PLCG1: variants seen among roughly 807,000 people sequenced by gnomAD.
PLCG1 encodes phospholipase C gamma 1, also known as 1-phosphatidylinositol 4,5-bisphosphate phosphodiesterase gamma-1.
PLCG1 carries 71 observed loss-of-function variants against 177.8 expected under a neutral mutation model. The ratio of observed to expected loss-of-function variants is 0.40; its 90% CI spans 0.33 to 0.49. The LOEUF is 0.49. PLCG1 is among the 20% of genes least tolerant of loss of function. The pLI, the probability that PLCG1 is intolerant of heterozygous loss-of-function variation, is 0.72. For missense variants in PLCG1, 1,281 were observed against 1,709.0 expected (o/e 0.75, Z 4.42); for synonymous variants, 658 against 647.9 (o/e 1.02, Z -0.24).
chr20:41,171,969 G>A (rs1297349561), intron 24 of PLCG1, among the ~76,000 whole-genome samples: 1 of 152,218 alleles, frequency 6.6e-6, no homozygotes, highest in Non-Finnish European at 1.5e-5. Context: ...GGGTTGGAGG[G>A]CAAATGTGTC....
chr20:41,152,292 G>A (rs6093446), intron 1 of PLCG1, among the ~76,000 whole-genome samples: 55,216 of 152,140 alleles, frequency 0.36, 11,356 homozygotes, highest in African/African-American at 0.57. Flanking sequence ...GTGGGTGCTC[G>A]GCATCCTGCT....
At chr20:41,141,966 G>A (rs1883748028) in intron 1 of PLCG1, among the ~76,000 whole-genome samples, 1 of 152,230 alleles carries the variant, frequency 6.6e-6, no homozygotes, top group Non-Finnish European at 1.5e-5. Flanking sequence ...TTCTTGGAAT[G>A]AGGCACATTT....
At chr20:41,161,567 G>A (rs900352802) in intron 4 of PLCG1, among the ~76,000 whole-genome samples, 1 of 152,158 alleles carries the variant, frequency 6.6e-6, no homozygotes, top group African/African-American at 2.4e-5. Context: ...CCTACCTCCT[G>A]GGTGACTGAG....
In PLCG1 at chr20:41,166,113, C is replaced by T; in HGVS notation, c.1800-81C>T. On this transcript the variant is annotated intron_variant, in intron 16 of 31. Transcript: ENST00000685551. The surrounding 1 kb of genome is among the most constrained non-coding windows in gnomAD (Gnocchi z 8.6). ...CTCCTTGAGGCTCCCTCCTTGAGTT[C>T]CACCCTCATTTGGGGTGGAACTTGG... 1 of 1,278,324 alleles carries T rather than the reference C, an allele frequency of 7.8e-7. No homozygotes were observed. The highest frequency in any genetic ancestry group is 1.2e-5 in the South Asian group (1 of 80,386). The allele number at this position is 1,278,324 out of a possible 1,614,324, so 79.2% of individuals were successfully genotyped here. A position where few individuals can be genotyped will look rare whatever the true frequency, so the allele number is the denominator to read the frequency against.
rs1052292523 is a variant in PLCG1 at position 41,153,743 on chromosome 20, A to G, written c.218-5863A>G. 2.0e-5 allele frequency among the ~76,000 whole-genome samples: 3 copies of G among 152,182 alleles called. No individual in the cohort carries two copies. Among genetic ancestry groups the G allele is most frequent in the African/African-American group, 7.2e-5 (3 of 41,442 alleles). On this transcript the variant is annotated intron_variant, in intron 1 of 31. Coordinates refer to ENST00000685551, the MANE Select transcript of PLCG1 (RefSeq NM_002660.3). The surrounding 1 kb of genome is among the most constrained non-coding windows in gnomAD (Gnocchi z 5.1). Reference sequence around the variant, plus strand: ...AAACCCCGTCTCTACTAAAAATACAAAAATCAGCTGGGCATGGTGGTGTGC... The same window carrying G: ...AAACCCCGTCTCTACTAAAAATACAGAAATCAGCTGGGCATGGTGGTGTGC...
rs1415803367 is a variant in PLCG1 at position 41,174,599 on chromosome 20, G to A, written c.*90G>A. ...TTCTTTGGAAGCAGCCCCCTGTGGC[G>A]GCCTTCCGGGTCTCGCAGCCTGAAG... On this transcript the variant is annotated 3_prime_UTR_variant, in exon 32 of 32. Coordinates refer to ENST00000685551, the MANE Select transcript of PLCG1 (RefSeq NM_002660.3). This position sits in a 1 kb window ranked among gnomAD's most constrained non-coding sequence, Gnocchi z 5.8. 2.1e-5 allele frequency: 24 copies of A among 1,154,404 alleles called. No homozygotes were observed. The South Asian group carries it at 2.5e-4, about 12-fold the overall frequency. 71.5% of individuals were successfully genotyped at this position (1,154,404 alleles called of 1,614,324 possible).
intron 1 of PLCG1, among the ~76,000 whole-genome samples, chr20:41,143,841 A>T (rs2034908197): frequency 6.6e-6 from 1 of 152,352 alleles, no homozygotes; most frequent in East Asian, 1.9e-4. Context: ...TATAAGAGTA[A>T]GAGATTTTAT....
At position 41,174,286 on chromosome 20, in the gene PLCG1, G is replaced by T; in HGVS notation, c.3808G>T (p.Asp1270Tyr). ...DFRISQEHLA[D>Y]HFDSRERRAP... ...CCGCATCTCCCAGGAGCATCTCGCA[G>T]ACCATTTTGACAGTCGAGAACGAAG... The change falls in exon 31 of 32, where the codon GAC becomes TAC. Residue 1270 changes from aspartate (D) to tyrosine (Y), a missense_variant. By Grantham distance (160) the Asp-to-Tyr change is radical. Transcript: ENST00000685551. The surrounding 1 kb of genome is among the most constrained non-coding windows in gnomAD (Gnocchi z 5.8). The T allele has an allele frequency of 6.2e-7, 1 of 1,614,142 alleles. No individual in the cohort carries two copies. Among genetic ancestry groups the T allele is most frequent in the South Asian group, 1.1e-5 (1 of 91,082 alleles).
chr20:41,166,053 TG>T lies in PLCG1; in HGVS notation c.1800-140del. On this transcript the variant is annotated intron_variant, in intron 16 of 31. Coordinates refer to ENST00000685551, the MANE Select transcript of PLCG1 (RefSeq NM_002660.3). This position sits in a 1 kb window ranked among gnomAD's most constrained non-coding sequence, Gnocchi z 8.6. ...AGCCCACACCTTTGGTTCATGTGAC[TG>T]CCCACACCTGAGCTCCTCAGGAGAT... The T allele has an allele frequency of 4.8e-6, 3 of 627,862 alleles. No homozygotes were observed. Among genetic ancestry groups the T allele is most frequent in the Non-Finnish European group, 7.7e-6 (3 of 391,534 alleles). 38.9% of individuals were successfully genotyped at this position (627,862 alleles called of 1,614,324 possible).
chr20:41,162,120 T>C (rs758874364), intron 4 of PLCG1, among the ~76,000 whole-genome samples: 1 of 152,064 alleles, frequency 6.6e-6, no homozygotes, highest in African/African-American at 2.4e-5. Context: ...GCAGTGCCGG[T>C]AGGAGGGGAG....
intron 1 of PLCG1, among the ~76,000 whole-genome samples, chr20:41,152,816 A>G (rs1440596584): frequency 6.6e-6 from 1 of 152,266 alleles, no homozygotes; most frequent in East Asian, 1.9e-4. Context: ...GGTGACACAC[A>G]AGAGAGGAGG....
chr20:41,170,063 AG>A (rs1600672750), intron 23 of PLCG1, 48 bp from the exon 24 acceptor site: 1 of 1,533,250 alleles, frequency 6.5e-7, no homozygotes, highest in East Asian at 2.3e-5. Context: ...AGTGGGGTGG[AG>A]GGGGTGAGAT....
chr20:41,177,273 A>G lies in PLCG1; in HGVS notation c.*2764A>G, dbSNP rs1384565962. ...GCTTTGGCTCAGCAGACATGTACAC[A>G]TACAAAGTAGAGCCTACAAGGTCAG... On this transcript the variant is annotated 3_prime_UTR_variant, in exon 32 of 32. Transcript: ENST00000685551. 1 of 152,246 alleles carries G rather than the reference A, an allele frequency of 6.6e-6. No individual in the cohort carries two copies. The highest frequency in any genetic ancestry group is 1.9e-4 in the East Asian group (1 of 5,196). 9.4% of individuals were successfully genotyped at this position (152,246 alleles called of 1,614,324 possible).
rs1163771320 is a variant in PLCG1 at position 41,157,244 on chromosome 20, A to G, written c.218-2362A>G. On this transcript the variant is annotated intron_variant, in intron 1 of 31. Transcript: ENST00000685551. This position sits in a 1 kb window ranked among gnomAD's most constrained non-coding sequence, Gnocchi z 5.4. Reference sequence around the variant, plus strand: ...TGTGTGTGTGTGTGTGTGTGTGTACAGTCACACTCACCTTTGCAAGAAGGT... The same window carrying G: ...TGTGTGTGTGTGTGTGTGTGTGTACGGTCACACTCACCTTTGCAAGAAGGT... Among the ~76,000 whole-genome samples, 1 of 90,048 alleles carries G rather than the reference A, an allele frequency of 1.1e-5. No individual in the cohort carries two copies. The highest frequency in any genetic ancestry group is 6.6e-4 in the East Asian group (1 of 1,512). 59.1% of individuals were successfully genotyped at this position (90,048 alleles called of 152,430 possible).
chr20:41,163,457 A>G lies in PLCG1; in HGVS notation c.869A>G (p.Glu290Gly). The change falls in exon 9 of 32, where the codon GAG becomes GGG. Residue 290 changes from glutamate (E) to glycine (G), a missense_variant. By Grantham distance (98) the Glu-to-Gly change is moderately conservative. This residue lies in a region of PLCG1 where 374 missense variants were observed against 443.8 expected (regional missense o/e 0.84). Coordinates refer to ENST00000685551, the MANE Select transcript of PLCG1 (RefSeq NM_002660.3). The surrounding 1 kb of genome is among the most constrained non-coding windows in gnomAD (Gnocchi z 5.2). Reference sequence around the variant, plus strand: ...CGAGACCCCTTACGAGAGATCGAGGAGCCATACTTCTTCCTGGATGAGGTG... The same window carrying G: ...CGAGACCCCTTACGAGAGATCGAGGGGCCATACTTCTTCCTGGATGAGGTG... ...FLRDPLREIE[E>G]PYFFLDEFVT... The G allele has an allele frequency of 1.2e-6, 2 of 1,611,158 alleles. No homozygotes were observed. The highest frequency in any genetic ancestry group is 2.2e-5 in the South Asian group (2 of 91,004).
Position 41,170,107 on chromosome 20 carries a change from C to A in PLCG1, c.2651-5C>A. 1 of 1,606,272 alleles carries A rather than the reference C, an allele frequency of 6.2e-7. No individual in the cohort carries two copies. Reference sequence around the variant, plus strand: ...CCCAGCTGTTATCTGCTCTCGCCCTCCCAGCCATCCGTCCTGAGGGCAAGA... The same window carrying A: ...CCCAGCTGTTATCTGCTCTCGCCCTACCAGCCATCCGTCCTGAGGGCAAGA... On this transcript the variant is annotated splice_polypyrimidine_tract_variant and splice_region_variant and intron_variant, in intron 23 of 31. Coordinates refer to ENST00000685551, the MANE Select transcript of PLCG1 (RefSeq NM_002660.3).
In PLCG1 at chr20:41,166,945, A is replaced by G. The variant is rs566685375; in HGVS notation, c.2301+86A>G. ...CAGTCTCTGGATGTGTGTAACAGCA[A>G]GACCTGGTGTGTTGTAGAAGTTCGT... On this transcript the variant is annotated intron_variant, in intron 19 of 31. Transcript: ENST00000685551. This position sits in a 1 kb window ranked among gnomAD's most constrained non-coding sequence, Gnocchi z 8.6. 8.6e-5 allele frequency: 112 copies of G among 1,301,620 alleles called. 3 individuals are homozygous for G. The South Asian group carries it at 1.3e-3, about 15-fold the overall frequency. 80.6% of individuals were successfully genotyped at this position (1,301,620 alleles called of 1,614,324 possible).
chr20:41,138,304 C>G lies in PLCG1; in HGVS notation c.217+446C>G, dbSNP rs1018910758. 6.6e-5 allele frequency among the ~76,000 whole-genome samples: 10 copies of G among 152,108 alleles called. No individual in the cohort carries two copies. The East Asian group carries it at 1.7e-3, about 27-fold the overall frequency. Reference sequence around the variant, plus strand: ...CAGTCTGTGAAACTCTCCGGGCCCCCAGGCTGGGCTCTTATTTGCAAAGGA... The same window carrying G: ...CAGTCTGTGAAACTCTCCGGGCCCCGAGGCTGGGCTCTTATTTGCAAAGGA... On this transcript the variant is annotated intron_variant, in intron 1 of 31. Coordinates refer to ENST00000685551, the MANE Select transcript of PLCG1 (RefSeq NM_002660.3).
At chr20:41,170,020 T>G in intron 23 of PLCG1, 92 bp from the exon 24 acceptor site, 1 of 1,170,558 alleles carries the variant, frequency 8.5e-7, no homozygotes, top group Non-Finnish European at 1.2e-6. Context: ...TGGGATGAGA[T>G]AGAACTCATT....
Sources: gnomAD v4.1 joint callset for allele counts (sites outside exome capture counted in the v4.1 genomes callset) on GRCh38, gnomAD v4.1.1 for gene constraint, gnomAD v4.1.1 regional missense constraint, Gnocchi (gnomAD v3.1) non-coding constraint, MANE v1.5 for transcripts, NCBI Gene and HGNC (gene_info 2026-07-23, HGNC 2026-07-21) for gene names.